ALG11: variants seen among roughly 807,000 people sequenced by gnomAD.
ALG11 encodes GDP-Man:Man(3)GlcNAc(2)-PP-Dol alpha-1,2-mannosyltransferase.
Under a neutral mutation model 38.8 loss-of-function variants are expected in ALG11, and 26 were observed. The ratio of observed to expected loss-of-function variants is 0.67; its 90% CI spans 0.49 to 0.93. The LOEUF (loss-of-function observed/expected upper bound fraction) is 0.93, where lower values mean the gene tolerates loss of function less well. ALG11 is among the 40% of genes least tolerant of loss of function. The pLI, the probability that ALG11 is intolerant of heterozygous loss-of-function variation, is 0.00. For synonymous variants in ALG11, 199 were observed against 211.6 expected (o/e 0.94, Z 0.52); for missense variants, 535 against 578.8 (o/e 0.92, Z 0.78).
At chr13:52,019,912 G>T (rs935082039) in intron 2 of ALG11, among the ~76,000 whole-genome samples, 2 of 152,326 alleles carry the variant, frequency 1.3e-5, no homozygotes, top group Admixed American at 1.3e-4. Flanking sequence ...GGGTGACAGA[G>T]TGAGAACCCG....
rs1346817371 is a variant in ALG11, at chr13:52,029,156, C to A, written c.*566C>A. On this transcript the variant is annotated 3_prime_UTR_variant, in exon 4 of 4. Coordinates refer to ENST00000521508, the MANE Select transcript of ALG11 (RefSeq NM_001004127.3). Reference sequence around the variant, plus strand: ...CAAATCAAAGAAGGTGGTGGAGTTACCTCTTAACAAAGAAAAAATTGAACA... The same window carrying A: ...CAAATCAAAGAAGGTGGTGGAGTTAACTCTTAACAAAGAAAAAATTGAACA... 1 of 1,614,038 alleles carries A rather than the reference C, an allele frequency of 6.2e-7. No individual in the cohort carries two copies. The highest frequency in any genetic ancestry group is 8.5e-7 in the Non-Finnish European group (1 of 1,180,034).
At chr13:52,016,694 C>T (rs1276456952) in intron 1 of ALG11, 1 of 152,292 alleles carries the variant, frequency 6.6e-6, no homozygotes, top group Non-Finnish European at 1.5e-5. Flanking sequence ...TTGGGAACCT[C>T]TACCTAGATT....
chr13:52,030,353 AAAG>A lies in ALG11; in HGVS notation c.*1768_*1770del, dbSNP rs775165163. ...TCTGGAAGAGCTAGAAGAGCTGGGA[AAAG>A]AAGATTGTTTTCAAAATAAGGAGCT... is the stretch of plus-strand genomic sequence containing the variant. On this transcript the variant is annotated 3_prime_UTR_variant, in exon 4 of 4. Transcript: ENST00000521508. 3.1e-6 allele frequency: 5 copies of A among 1,614,208 alleles called. No individual in the cohort carries two copies. The highest frequency in any genetic ancestry group is 1.7e-5 in the Admixed American group (1 of 60,026).
At chr13:52,012,546 C>A in intron 1 of ALG11, 84 bp downstream of exon 1, 1 of 1,579,040 alleles carries the variant, frequency 6.3e-7, no homozygotes, top group Non-Finnish European at 8.7e-7. Flanking sequence ...ATTTTGCGGG[C>A]AAATGGCCTT....
rs1290943522 is a variant in ALG11 at position 52,030,944 on chromosome 13, A to G, written c.*2354A>G. 1 of 1,614,222 alleles carries G rather than the reference A, an allele frequency of 6.2e-7. No individual in the cohort carries two copies. The highest frequency in any genetic ancestry group is 8.5e-7 in the Non-Finnish European group (1 of 1,180,040). On this transcript the variant is annotated 3_prime_UTR_variant, in exon 4 of 4. Transcript: ENST00000521508. ...ATGGAACACCCAGAGGGCTTTCCAA[A>G]AGCTGACTACTCCCAAGGTCGTCAC...
chr13:52,032,789 CTCT>C lies in ALG11; in HGVS notation c.*4201_*4203del, dbSNP rs1428411277. 6.0e-6 allele frequency: 1 copy of C among 167,038 alleles called. No individual in the cohort carries two copies. Among genetic ancestry groups the C allele is most frequent in the Non-Finnish European group, 1.5e-5 (1 of 68,102 alleles). 10.3% of individuals were successfully genotyped at this position (167,038 alleles called of 1,614,324 possible). On this transcript the variant is annotated 3_prime_UTR_variant, in exon 4 of 4. Coordinates refer to ENST00000521508, the MANE Select transcript of ALG11 (RefSeq NM_001004127.3). ...GAACCCTACAGATTAGCCCAGTTCT[CTCT>C]TATTTTCAGCTTTACAGACAAGAAC...
intron 1 of ALG11, among the ~76,000 whole-genome samples, chr13:52,013,817 A>G (rs1954111123): frequency 6.6e-6 from 1 of 152,226 alleles, no homozygotes; most frequent in African/African-American, 2.4e-5. Context: ...TCCATGGACC[A>G]TGCAGGTCCC....
intron 3 of ALG11, among the ~76,000 whole-genome samples, chr13:52,028,101 A>C (rs1593905524): frequency 6.6e-6 from 1 of 152,310 alleles, no homozygotes; most frequent in East Asian, 1.9e-4. Flanking sequence ...TCTTAAAAAA[A>C]AAAAAGTGAA....
chr13:52,017,757 A>G, intron 1 of ALG11: 1 of 153,280 alleles, frequency 6.5e-6, no homozygotes, highest in Non-Finnish European at 1.5e-5. Context: ...AAACGAAGTA[A>G]TACACTGTGT....
intron 1 of ALG11, among the ~76,000 whole-genome samples, chr13:52,018,155 C>T (rs1171630601): frequency 6.6e-6 from 1 of 152,216 alleles, no homozygotes; most frequent in African/African-American, 2.4e-5. Flanking sequence ...GATGCCTTCT[C>T]TGTGCCAGGC....
rs767380985 is a variant in ALG11 at position 52,024,830 on chromosome 13, A to C, written c.1100A>C (p.Gln367Pro). The C allele has an allele frequency of 6.2e-7, 1 of 1,613,994 alleles. No individual in the cohort carries two copies. The highest frequency in any genetic ancestry group is 8.5e-7 in the Non-Finnish European group (1 of 1,179,892). Residue 367 changes from glutamine (Q) to proline (P), a missense_variant, in exon 3 of 4, where the codon CAA (glutamine) becomes CCA (proline). Transcript: ENST00000521508. ...AGGCTGTCTGAGGATTTAGGAGTTC[A>C]AGAATATGTGGAATTTAAAATAAAC... Reference protein sequence around the residue: ...LRRLSEDLGVQEYVEFKINIP... With the variant: ...LRRLSEDLGVPEYVEFKINIP...
At position 52,031,355 on chromosome 13, in the gene ALG11, C is replaced by T; in HGVS notation, c.*2765C>T. On this transcript the variant is annotated 3_prime_UTR_variant, in exon 4 of 4. Transcript: ENST00000521508. The stretch of plus-strand genomic sequence containing the variant: ...ACAGTGGATGACCCTTTTGAATATA[C>T]CTAATGATTTCCTTAAAAAAGAAAT... The T allele has an allele frequency of 1.9e-6, 1 of 522,828 alleles. No homozygotes were observed. Among genetic ancestry groups the T allele is most frequent in the Non-Finnish European group, 3.3e-6 (1 of 302,236 alleles). The allele number at this position is 522,828 out of a possible 1,614,324, so 32.4% of individuals were successfully genotyped here. A position where few individuals can be genotyped will look rare whatever the true frequency, so the allele number is the denominator to read the frequency against.
chr13:52,030,122 C>T lies in ALG11; in HGVS notation c.*1532C>T, dbSNP rs1387952826. 1.9e-6 allele frequency: 3 copies of T among 1,614,170 alleles called. No individual in the cohort carries two copies. The highest frequency in any genetic ancestry group is 2.5e-6 in the Non-Finnish European group (3 of 1,180,034). On this transcript the variant is annotated 3_prime_UTR_variant, in exon 4 of 4. Coordinates refer to ENST00000521508, the MANE Select transcript of ALG11 (RefSeq NM_001004127.3). ...ATCTGAGCTCAACCAGGATGCTGAG[C>T]CAGCAAGCAGTCAAGAAACAAAAGA...
chr13:52,024,958 A>G, intron 3 of ALG11, 21 bp downstream of exon 3: 1 of 1,597,424 alleles, frequency 6.3e-7, no homozygotes, highest in Non-Finnish European at 8.5e-7. Context: ...CCTTTAAACA[A>G]CTTGTTTGGT....
chr13:52,013,114 C>T lies in ALG11; in HGVS notation c.44+652C>T, dbSNP rs572483963. Among the ~76,000 whole-genome samples the T allele has an allele frequency of 2.0e-5, 3 of 152,252 alleles. No individual in the cohort carries two copies. The South Asian group carries it at 6.2e-4, about 32-fold the overall frequency. Reference sequence around the variant, plus strand: ...ACCATCCGGAGATAGCCACTGTTAACATTTTGGTGAAAAAACTCCCAGGCT... The same window carrying T: ...ACCATCCGGAGATAGCCACTGTTAATATTTTGGTGAAAAAACTCCCAGGCT... On this transcript the variant is annotated intron_variant, in intron 1 of 3. Transcript: ENST00000521508.
chr13:52,019,214 ATCTT>A (rs1954162961), intron 2 of ALG11, 71 bp downstream of exon 2: 4 of 923,246 alleles, frequency 4.3e-6, no homozygotes, highest in Non-Finnish European at 6.2e-6. Flanking sequence ...CCAGAAATTC[ATCTT>A]TTTTTTTTTT....
At chr13:52,028,174 A>C (rs562162305) in intron 3 of ALG11, 145 bp from the exon 4 acceptor site, 19 of 886,962 alleles carry the variant, frequency 2.1e-5, no homozygotes, top group Middle Eastern at 2.9e-4. Flanking sequence ...TGTACTGTAG[A>C]AGTTGAATAA....
chr13:52,028,440 A>C lies in ALG11; in HGVS notation c.1329A>C (p.Glu443Asp), dbSNP rs755514406. The C allele has an allele frequency of 1.2e-6, 2 of 1,614,222 alleles. No individual in the cohort carries two copies. The highest frequency in any genetic ancestry group is 1.7e-6 in the Non-Finnish European group (2 of 1,180,044). The change falls in exon 4 of 4, where the codon GAA (glutamate) becomes GAC (aspartate). Residue 443 changes from glutamate to aspartate, a missense_variant. Physicochemically the swap from Glu to Asp is conservative, Grantham distance 45. Transcript: ENST00000521508. ...CTGGCTTTCTGGCTGAGAGTGAAGA[A>C]GACTATGCTGAAACTATCGCTCACA... ...DITGFLAESEEDYAETIAHIL... is the reference protein window; with the variant it reads ...DITGFLAESEDDYAETIAHIL...
rs907991512 is a variant in ALG11 at position 52,033,579 on chromosome 13, T to G, written c.*4989T>G. 1 of 166,948 alleles carries G rather than the reference T, an allele frequency of 6.0e-6. No individual in the cohort carries two copies. 10.3% of individuals were successfully genotyped at this position (166,948 alleles called of 1,614,324 possible). The stretch of plus-strand genomic sequence containing the variant: ...TAAAGAAGAAACAAAAATAAAAGTT[T>G]GTCTTGCTTGTGAAACATTAAGAAG... On this transcript the variant is annotated 3_prime_UTR_variant, in exon 4 of 4. Coordinates refer to ENST00000521508, the MANE Select transcript of ALG11 (RefSeq NM_001004127.3).
Sources: allele counts gnomAD v4.1 joint callset (sites outside exome capture counted in the v4.1 genomes callset), GRCh38; gene constraint gnomAD v4.1.1; transcripts MANE v1.5; gene names NCBI Gene and HGNC (gene_info 2026-07-23, HGNC 2026-07-21).